Variants in AKR1B1 observed in about 807,000 individuals in gnomAD.
AKR1B1 encodes the protein aldo-keto reductase family 1 member B1.
Under a neutral mutation model 40.4 loss-of-function variants are expected in AKR1B1, and 22 were observed. The ratio of observed to expected loss-of-function variants is 0.54; its 90% CI spans 0.39 to 0.78. AKR1B1 has a LOEUF of 0.78. Among genes scored for constraint, AKR1B1 ranks in the 30% least tolerant of loss-of-function variants. AKR1B1 has a pLI of 0.00. For synonymous variants in AKR1B1, 157 were observed against 149.9 expected, an observed-to-expected ratio of 1.05 and a Z score of -0.35; for missense variants, 357 against 396.7, an observed-to-expected ratio of 0.90 and a Z score of 0.85.
At chr7:134,450,714 A>C (rs946251607) in intron 3 of AKR1B1, 72 bp downstream of exon 3, 1 of 1,145,216 alleles carries the variant, frequency 8.7e-7, no homozygotes, top group African/African-American at 1.5e-5. Flanking sequence ...GTAATCTGCT[A>C]AGGGAGCTCA....
At position 134,448,424 on chromosome 7, in the gene AKR1B1, TCAC is replaced by T; in HGVS notation, c.619_621del (p.Val207del). The T allele has an allele frequency of 4.3e-6, 7 of 1,613,888 alleles. No individual in the cohort carries two copies. Among genetic ancestry groups the T allele is most frequent in the Non-Finnish European group, 5.9e-6 (7 of 1,179,860 alleles). On this transcript the variant is annotated inframe_deletion, in exon 6 of 10. Transcript: ENST00000285930. Reference sequence around the variant, plus strand: ...GGAGAGCCGAGGGGGCTGTAGGCGGTCACCACGATGCCTTTGGACTGGCAGTAC... The same window carrying T: ...GGAGAGCCGAGGGGGCTGTAGGCGGTCACGATGCCTTTGGACTGGCAGTAC...
At position 134,451,581 on chromosome 7, in the gene AKR1B1, G is replaced by A. The variant is rs1207818640; in HGVS notation, c.234+5C>T. 19 of 1,613,724 alleles carry A rather than the reference G, an allele frequency of 1.2e-5. No homozygotes were observed. The highest frequency in any genetic ancestry group is 1.7e-5 in the Admixed American group (1 of 60,016). On this transcript the variant is annotated splice_donor_5th_base_variant and intron_variant, in intron 2 of 9. Coordinates refer to ENST00000285930, the MANE Select transcript of AKR1B1 (RefSeq NM_001628.4). Reference sequence around the variant, plus strand: ...GCCCCTTCCAGCCCCACCGCGGAACGATACCTTGCTGACGATGAAGAGCTC... The same window carrying A: ...GCCCCTTCCAGCCCCACCGCGGAACAATACCTTGCTGACGATGAAGAGCTC...
chr7:134,446,660 T>C (rs1806106254), intron 8 of AKR1B1, among the ~76,000 whole-genome samples: 1 of 151,618 alleles, frequency 6.6e-6, no homozygotes, highest in Non-Finnish European at 1.5e-5. Flanking sequence ...TAGCCTGAGC[T>C]GCTCCAGCTG....
chr7:134,448,484 G>T lies in AKR1B1; in HGVS notation c.562C>A (p.His188Asn), dbSNP rs944534411. 1.2e-6 allele frequency: 2 copies of T among 1,613,534 alleles called. No homozygotes were observed. The highest frequency in any genetic ancestry group is 8.5e-7 in the Non-Finnish European group (1 of 1,179,512). Reference sequence around the variant, plus strand: ...AACTTCTCCTGAGTGAGATATGGGTGGCACTCAATCTGCAAATGCAAAAAC... The same window carrying T: ...AACTTCTCCTGAGTGAGATATGGGTTGCACTCAATCTGCAAATGCAAAAAC... ...YKPAVNQIEC[H>N]PYLTQEKLIQ... The change falls in exon 6 of 10, where the codon CAC (histidine) becomes AAC (asparagine). Residue 188 changes from histidine to asparagine, a missense_variant. Transcript: ENST00000285930.
chr7:134,448,413 G>A lies in AKR1B1; in HGVS notation c.633C>T (p.Ser211=), dbSNP rs1806173113. Residue 211 remains serine, a synonymous_variant, in exon 6 of 10, where the codon AGC becomes AGT. Transcript: ENST00000285930. ...QSKGIVVTAY[S]PLGSPDRPWA... ...AGGGCCTGTCAGGAGAGCCGAGGGGGCTGTAGGCGGTCACCACGATGCCTT... is the reference window on the plus strand; with the variant it reads ...AGGGCCTGTCAGGAGAGCCGAGGGGACTGTAGGCGGTCACCACGATGCCTT... The A allele has an allele frequency of 1.2e-6, 2 of 1,613,708 alleles. No homozygotes were observed. Among genetic ancestry groups the A allele is most frequent in the Non-Finnish European group, 8.5e-7 (1 of 1,179,814 alleles).
At chr7:134,454,627 G>A (rs1225664803) in intron 1 of AKR1B1, among the ~76,000 whole-genome samples, 1 of 152,128 alleles carries the variant, frequency 6.6e-6, no homozygotes, top group African/African-American at 2.4e-5. Flanking sequence ...TATTAACCAC[G>A]GGGATCTCTG....
chr7:134,453,044 TTC>T (rs1173150713), intron 1 of AKR1B1, among the ~76,000 whole-genome samples: 1 of 152,132 alleles, frequency 6.6e-6, no homozygotes, highest in Non-Finnish European at 1.5e-5. Flanking sequence ...GAATCTCAAT[TTC>T]CAGAAAGAAT....
chr7:134,444,217 T>C (rs1806026089), intron 9 of AKR1B1, among the ~76,000 whole-genome samples: 6 of 152,250 alleles, frequency 3.9e-5, no homozygotes, highest in Admixed American at 3.9e-4. Context: ...TTAACAGAGA[T>C]GTCTGAAAGG....
rs1183849818 is a variant in AKR1B1, at chr7:134,448,980, C to T, written c.552+17G>A. 5.6e-6 allele frequency: 9 copies of T among 1,613,850 alleles called. No homozygotes were observed. The highest frequency in any genetic ancestry group is 1.7e-5 in the Admixed American group (1 of 59,982). ...AACAGCAACGTTGCAATGCCAGTGTCGTTGGGGGATGTTTACCTGGTTAAC... is the reference window on the plus strand; with the variant it reads ...AACAGCAACGTTGCAATGCCAGTGTTGTTGGGGGATGTTTACCTGGTTAAC... On this transcript the variant is annotated intron_variant, in intron 5 of 9. Transcript: ENST00000285930.
In AKR1B1 at chr7:134,447,278, C is replaced by T; in HGVS notation, c.825+20G>A. ...CCCACTCCATGGAGGAGGGCCAGGCCTGACCAGCCAAGATCTTACCTTAAA... is the reference window on the plus strand; with the variant it reads ...CCCACTCCATGGAGGAGGGCCAGGCTTGACCAGCCAAGATCTTACCTTAAA... On this transcript the variant is annotated intron_variant, in intron 8 of 9. Coordinates refer to ENST00000285930, the MANE Select transcript of AKR1B1 (RefSeq NM_001628.4). 6.2e-7 allele frequency: 1 copy of T among 1,611,340 alleles called. No individual in the cohort carries two copies. Among genetic ancestry groups the T allele is most frequent in the Non-Finnish European group, 8.5e-7 (1 of 1,177,656 alleles).
In AKR1B1 at chr7:134,459,081, A is replaced by T. The variant is rs373338991; in HGVS notation, c.-19T>A. On this transcript the variant is annotated 5_prime_UTR_variant, in exon 1 of 10. Coordinates refer to ENST00000285930, the MANE Select transcript of AKR1B1 (RefSeq NM_001628.4). ...TTGCCATGGCTGCTGCGCTCCCCAG[A>T]CCCCCGCCCAGTACGGTGCGGCCTT... is the stretch of plus-strand genomic sequence containing the variant. 10 of 1,594,640 alleles carry T rather than the reference A, an allele frequency of 6.3e-6. No individual in the cohort carries two copies. The Admixed American group carries it at 1.7e-4, about 28-fold the overall frequency.
rs1321971782 is a variant in AKR1B1, at chr7:134,448,406, C to A, written c.640G>T (p.Gly214Cys). Reference sequence around the variant, plus strand: ...GCTCACCAGGGCCTGTCAGGAGAGCCGAGGGGGCTGTAGGCGGTCACCACG... The same window carrying A: ...GCTCACCAGGGCCTGTCAGGAGAGCAGAGGGGGCTGTAGGCGGTCACCACG... ...GIVVTAYSPL[G>C]SPDRPWAKPE... is the part of the protein sequence containing the mutation. The change falls in exon 6 of 10, where the codon GGC (glycine) becomes TGC (cysteine). Residue 214 changes from glycine to cysteine, a missense_variant. By Grantham distance (159) the Gly-to-Cys change is radical (BLOSUM62 -3). Coordinates refer to ENST00000285930, the MANE Select transcript of AKR1B1 (RefSeq NM_001628.4). The A allele has an allele frequency of 6.2e-7, 1 of 1,613,692 alleles. No homozygotes were observed. Among genetic ancestry groups the A allele is most frequent in the Admixed American group, 1.7e-5 (1 of 59,994 alleles).
rs995203338 is a variant in AKR1B1, at chr7:134,449,015, A to G, written c.534T>C (p.Tyr178=). ...EMILNKPGLK[Y]KPAVNQIECH... ...TGTTTACCTGGTTAACTGCAGGCTT[A>G]TACTTCAAGCCAGGTTTGTTTAAGA... is the stretch of plus-strand genomic sequence containing the variant. The change falls in exon 5 of 10, where the codon TAT becomes TAC. Residue 178 remains tyrosine (Y), a synonymous_variant. Coordinates refer to ENST00000285930, the MANE Select transcript of AKR1B1 (RefSeq NM_001628.4). 6.8e-6 allele frequency: 11 copies of G among 1,614,136 alleles called. 1 individual carries two copies. Among genetic ancestry groups the G allele is most frequent in the South Asian group, 3.3e-5 (3 of 91,082 alleles).
chr7:134,445,168 G>A, intron 9 of AKR1B1, 70 bp downstream of exon 9: 4 of 1,359,092 alleles, frequency 2.9e-6, no homozygotes, highest in African/African-American at 1.4e-5. Context: ...AGGCCTGCAG[G>A]GATCACTCTC....
In AKR1B1 at chr7:134,445,333, CA is replaced by C. The variant is rs781579622; in HGVS notation, c.826-14del. 2 of 1,605,794 alleles carry C rather than the reference CA, an allele frequency of 1.2e-6. No homozygotes were observed. Among genetic ancestry groups the C allele is most frequent in the South Asian group, 1.1e-5 (1 of 89,526 alleles). ...CAAAGTCAAAGACCTAAAAAACAAACAAAAAAATCCAGTAAGCTCTGCAAAT... is the reference window on the plus strand; with the variant it reads ...CAAAGTCAAAGACCTAAAAAACAAACAAAAAATCCAGTAAGCTCTGCAAAT... On this transcript the variant is annotated splice_polypyrimidine_tract_variant and intron_variant, in intron 8 of 9. Coordinates refer to ENST00000285930, the MANE Select transcript of AKR1B1 (RefSeq NM_001628.4).
chr7:134,442,539 T>C lies in AKR1B1; in HGVS notation c.*189A>G. 1 of 584,882 alleles carries C rather than the reference T, an allele frequency of 1.7e-6. No individual in the cohort carries two copies. Among genetic ancestry groups the C allele is most frequent in the Non-Finnish European group, 3.1e-6 (1 of 324,950 alleles). 36.2% of individuals were successfully genotyped at this position (584,882 alleles called of 1,614,324 possible). On this transcript the variant is annotated 3_prime_UTR_variant, in exon 10 of 10. Transcript: ENST00000285930. ...GGGTAGAAAGAAGGGCAAAGCAAAC[T>C]GGAAGAGACTTCTACTCTACTGACA...
chr7:134,447,361 C>G lies in AKR1B1; in HGVS notation c.762G>C (p.Met254Ile). Residue 254 changes from methionine to isoleucine, a missense_variant, in exon 8 of 10, where the codon ATG (methionine) becomes ATC (isoleucine). Physicochemically the swap from Met to Ile is conservative, Grantham distance 10 (BLOSUM62 1). Transcript: ENST00000285930. Reference protein sequence around the residue: ...TTAQVLIRFPMQRNLVVIPKS... With the variant: ...TTAQVLIRFPIQRNLVVIPKS... ...TGGGGATCACCACCAAGTTCCTCTG[C>G]ATGGGGAACCGGATCAGGACCTGTG... 6.2e-7 allele frequency: 1 copy of G among 1,614,094 alleles called. No individual in the cohort carries two copies. The highest frequency in any genetic ancestry group is 2.2e-5 in the East Asian group (1 of 44,868).
intron 1 of AKR1B1, among the ~76,000 whole-genome samples, chr7:134,454,340 C>A (rs1267042787): frequency 6.6e-6 from 1 of 152,192 alleles, no homozygotes; most frequent in South Asian, 2.1e-4. Context: ...TTCAAGACAG[C>A]GGTCCTAGTT....
intron 2 of AKR1B1, chr7:134,451,368 G>A: frequency 1.6e-6 from 1 of 642,986 alleles, no homozygotes; most frequent in South Asian, 1.8e-5. Flanking sequence ...ATCAGCACGG[G>A]ACTCTAAGCA....
Sources: gnomAD v4.1 joint callset for allele counts (sites outside exome capture counted in the v4.1 genomes callset) on GRCh38, gnomAD v4.1.1 for gene constraint, MANE v1.5 for transcripts, NCBI Gene and HGNC (gene_info 2026-07-23, HGNC 2026-07-21) for gene names.